Variants in RPSA2 observed in about 807,000 individuals in gnomAD.
RPSA2 encodes the protein small ribosomal subunit protein uS2B.
the RPSA2 span, chr19:23,832,913 T>A: frequency 6.5e-7 from 1 of 1,545,774 alleles, no homozygotes; most frequent in East Asian, 2.5e-5. Context: ...GGCAAATCTT[T>A]TAACCTGTCT....
the RPSA2 span, among the ~76,000 whole-genome samples, chr19:23,810,764 T>TG: frequency 6.6e-6 from 1 of 152,138 alleles, no homozygotes; most frequent in Non-Finnish European, 1.5e-5. Flanking sequence ...TCTAGGCCTC[T>TG]GGAAGAGCAG....
At chr19:23,794,328 A>G in the RPSA2 span, among the ~76,000 whole-genome samples, 1 of 152,208 alleles carries the variant, frequency 6.6e-6, no homozygotes, top group Non-Finnish European at 1.5e-5. Flanking sequence ...AGCAGTGTAT[A>G]AGTATTCCCT....
the RPSA2 span, among the ~76,000 whole-genome samples, chr19:23,847,310 A>G: frequency 1.3e-5 from 2 of 150,716 alleles, no homozygotes; most frequent in South Asian, 2.1e-4. Context: ...TTTCTCTTGC[A>G]TCTCTTTGTA....
At chr19:23,803,085 C>G in the RPSA2 span, among the ~76,000 whole-genome samples, 1 of 97,518 alleles carries the variant, frequency 1.0e-5, no homozygotes, top group African/African-American at 3.9e-5. Flanking sequence ...TATACAAACT[C>G]TGAGATTTAA....
the RPSA2 span, among the ~76,000 whole-genome samples, chr19:23,802,907 GA>G: frequency 6.6e-6 from 1 of 152,046 alleles, no homozygotes; most frequent in Non-Finnish European, 1.5e-5. Context: ...GTCTACACCT[GA>G]ACATATATTT....
the RPSA2 span, among the ~76,000 whole-genome samples, chr19:23,772,295 G>T: frequency 6.6e-6 from 1 of 152,142 alleles, no homozygotes; most frequent in African/African-American, 2.4e-5. Flanking sequence ...TTTCAGGAGA[G>T]AATTGTAACA....
chr19:23,851,766 G>T, the RPSA2 span, among the ~76,000 whole-genome samples: 2 of 152,258 alleles, frequency 1.3e-5, no homozygotes, highest in East Asian at 3.9e-4. Flanking sequence ...CCTCAGGAAT[G>T]GGCTGATCTT....
At chr19:23,807,792 T>C in the RPSA2 span, 1 of 352,092 alleles carries the variant, frequency 2.8e-6, no homozygotes, top group South Asian at 3.0e-5. Context: ...CAATGGCCAC[T>C]TTGTACATAT....
chr19:23,790,915 G>T, the RPSA2 span: 2 of 440,800 alleles, frequency 4.5e-6, no homozygotes, highest in East Asian at 9.7e-5. Flanking sequence ...GTTGGCATCC[G>T]TCCCCTGCAG....
At chr19:23,863,833 T>C in the RPSA2 span, among the ~76,000 whole-genome samples, 148,953 of 152,304 alleles carry the variant, frequency 0.98, 72,932 homozygotes, top group Middle Eastern at 1. Context: ...AATACACTGA[T>C]GTTTATATCT....
At chr19:23,828,456 C>A in the RPSA2 span, among the ~76,000 whole-genome samples, 62 of 14,676 alleles carry the variant, frequency 4.2e-3, 1 homozygote, top group Non-Finnish European at 4.3e-3. Flanking sequence ...CTGTAGATTG[C>A]ATTGAGCAGG....
At chr19:23,761,913 T>C in the RPSA2 span, among the ~76,000 whole-genome samples, 6,565 of 29,628 alleles carry the variant, frequency 0.22, 479 homozygotes, top group Non-Finnish European at 0.29. Context: ...TCTTTCTTTC[T>C]TTCTTTCTTT....
At chr19:23,774,995 A>T in the RPSA2 span, among the ~76,000 whole-genome samples, 1 of 152,320 alleles carries the variant, frequency 6.6e-6, no homozygotes, top group South Asian at 2.1e-4. Context: ...GTTTACTCTC[A>T]TATCAAAAAT....
chr19:23,785,119 T>C, the RPSA2 span, among the ~76,000 whole-genome samples: 1 of 152,224 alleles, frequency 6.6e-6, no homozygotes, highest in Non-Finnish European at 1.5e-5. Context: ...ACTCTGCACC[T>C]CAAAAGAAGT....
chr19:23,778,016 T>C, the RPSA2 span, among the ~76,000 whole-genome samples: 1 of 152,304 alleles, frequency 6.6e-6, no homozygotes, highest in Admixed American at 6.5e-5. Flanking sequence ...TCTTCGTAGA[T>C]TCTATCCCCC....
chr19:23,780,313 C>T, the RPSA2 span, among the ~76,000 whole-genome samples: 148,910 of 152,238 alleles, frequency 0.98, 72,919 homozygotes, highest in Middle Eastern at 1. Context: ...ACCGATGAGG[C>T]CATAATTCTC....
the RPSA2 span, chr19:23,758,917 G>T: frequency 2.4e-6 from 2 of 825,156 alleles, no homozygotes; most frequent in Non-Finnish European, 1.9e-6. Flanking sequence ...CCCGGAAGCC[G>T]CCCTGTCTGC....
chr19:23,787,329 G>A, the RPSA2 span, among the ~76,000 whole-genome samples: 80 of 152,158 alleles, frequency 5.3e-4, no homozygotes, highest in African/African-American at 1.8e-3. Context: ...GTGGCTGGGT[G>A]TGGTGACTCA....
At chr19:23,833,788 TTTA>T in the RPSA2 span, among the ~76,000 whole-genome samples, 9 of 152,056 alleles carry the variant, frequency 5.9e-5, no homozygotes, top group Admixed American at 2.6e-4. Flanking sequence ...GAGTATTTAC[TTTA>T]AAAAAGCACT....
Sources: allele counts gnomAD v4.1 joint callset (sites outside exome capture counted in the v4.1 genomes callset), GRCh38; gene constraint gnomAD v4.1.1; transcripts MANE v1.5; gene names NCBI Gene and HGNC (gene_info 2026-07-23, HGNC 2026-07-21).